GABRB1: variants seen among roughly 807,000 people sequenced by gnomAD.
The protein encoded by GABRB1 is gamma-aminobutyric acid receptor subunit beta-1.
GABRB1 carries 17 observed loss-of-function variants against 51.6 expected under a neutral mutation model. That is an observed-to-expected ratio of 0.33 (90% CI 0.23 to 0.49). The LOEUF (loss-of-function observed/expected upper bound fraction) is 0.49, where lower values mean the gene tolerates loss of function less well. GABRB1 is among the 20% of genes least tolerant of loss of function. The pLI, the probability that GABRB1 is intolerant of heterozygous loss-of-function variation, is 0.99. For missense variants in GABRB1, 410 were observed against 600.6 expected (o/e 0.68, Z 3.32); for synonymous variants, 247 against 218.9 (o/e 1.13, Z -1.14).
At chr4:47,008,667 C>G (rs1173533423) in intron 1 of GABRB1, among the ~76,000 whole-genome samples, 4 of 131,132 alleles carry the variant, frequency 3.1e-5, no homozygotes, top group African/African-American at 1.2e-4. Context: ...TTAGTAGAGA[C>G]GAGGTTTCAC....
chr4:47,193,365 C>T (rs749402268), intron 4 of GABRB1, among the ~76,000 whole-genome samples: 25 of 152,274 alleles, frequency 1.6e-4, no homozygotes, highest in South Asian at 4.1e-4. Flanking sequence ...CAGGTGAATC[C>T]GCCTGCCTGG....
chr4:47,012,048 C>A (rs1459758992), intron 1 of GABRB1, among the ~76,000 whole-genome samples: 2 of 152,036 alleles, frequency 1.3e-5, no homozygotes, highest in Non-Finnish European at 2.9e-5. Context: ...CCTGAGTATC[C>A]ACCACACTGT....
At chr4:47,241,112 A>G (rs1721501700) in intron 4 of GABRB1, among the ~76,000 whole-genome samples, 1 of 152,164 alleles carries the variant, frequency 6.6e-6, no homozygotes, top group African/African-American at 2.4e-5. Context: ...CTGTGTTTTA[A>G]TTCTACAGCA....
chr4:47,046,219 C>A (rs1033385012), intron 3 of GABRB1, among the ~76,000 whole-genome samples: 6 of 151,986 alleles, frequency 3.9e-5, no homozygotes, highest in African/African-American at 1.4e-4. Context: ...TATAAATTAC[C>A]CAATGTCAGA....
chr4:47,313,115 C>T (rs539450414), intron 4 of GABRB1, among the ~76,000 whole-genome samples: 1 of 152,216 alleles, frequency 6.6e-6, no homozygotes, highest in South Asian at 2.1e-4. Context: ...GTGTTCTGAC[C>T]TAACTTTCAA....
At chr4:47,098,737 G>A (rs1335742834) in intron 3 of GABRB1, among the ~76,000 whole-genome samples, 2 of 152,080 alleles carry the variant, frequency 1.3e-5, no homozygotes, top group African/African-American at 4.8e-5. Context: ...AATCTGAAGT[G>A]TTGGTGGGGA....
At chr4:47,009,725 G>C (rs190839208) in intron 1 of GABRB1, among the ~76,000 whole-genome samples, 2 of 152,306 alleles carry the variant, frequency 1.3e-5, no homozygotes, top group East Asian at 3.9e-4. Flanking sequence ...GGTGATTTAA[G>C]TTGGGGGGTT....
intron 4 of GABRB1, among the ~76,000 whole-genome samples, chr4:47,286,454 A>G (rs1723511492): frequency 6.6e-6 from 1 of 152,158 alleles, no homozygotes; most frequent in Non-Finnish European, 1.5e-5. Flanking sequence ...CCATGTTTCC[A>G]TATAAAGCCT....
intron 4 of GABRB1, among the ~76,000 whole-genome samples, chr4:47,314,394 T>C (rs1371336343): frequency 6.6e-6 from 1 of 152,042 alleles, no homozygotes; most frequent in African/African-American, 2.4e-5. Flanking sequence ...AACTACTTTG[T>C]AAAAGCTATT....
At chr4:47,111,356 T>G (rs528727186) in intron 3 of GABRB1, among the ~76,000 whole-genome samples, 1 of 152,100 alleles carries the variant, frequency 6.6e-6, no homozygotes, top group East Asian at 1.9e-4. Flanking sequence ...AATTTGCAAG[T>G]AACACAAGCA....
chr4:47,278,614 G>A (rs1485060504), intron 4 of GABRB1, among the ~76,000 whole-genome samples: 2 of 117,984 alleles, frequency 1.7e-5, no homozygotes, highest in Non-Finnish European at 3.5e-5. Flanking sequence ...CCAAGCCCTA[G>A]GTTTTTGCCT....
intron 4 of GABRB1, among the ~76,000 whole-genome samples, chr4:47,236,744 C>A (rs1349793096): frequency 6.6e-6 from 1 of 152,056 alleles, no homozygotes; most frequent in African/African-American, 2.4e-5. Context: ...CCTGGTGAGC[C>A]CATGCTGGCT....
At chr4:47,375,749 G>T (rs1727353365) in intron 5 of GABRB1, among the ~76,000 whole-genome samples, 1 of 152,176 alleles carries the variant, frequency 6.6e-6, no homozygotes, top group Non-Finnish European at 1.5e-5. Context: ...CACATAACCT[G>T]CCTAATTGCA....
chr4:47,260,968 A>G (rs1001214061), intron 4 of GABRB1, among the ~76,000 whole-genome samples: 11 of 152,224 alleles, frequency 7.2e-5, no homozygotes, highest in African/African-American at 2.7e-4. Context: ...ATCTCAATAG[A>G]GGCAGAACAG....
intron 4 of GABRB1, among the ~76,000 whole-genome samples, chr4:47,166,846 T>C (rs1392440566): frequency 6.6e-6 from 1 of 152,138 alleles, no homozygotes; most frequent in Non-Finnish European, 1.5e-5. Flanking sequence ...TTTTCCCATC[T>C]TACTGTTGCT....
chr4:47,032,587 C>A (rs1725371953), intron 3 of GABRB1, 103 bp downstream of exon 3: 1 of 1,094,142 alleles, frequency 9.1e-7, no homozygotes, highest in Non-Finnish European at 1.4e-6. Flanking sequence ...TCGCCCCTGG[C>A]CCCTGAGGTC....
chr4:47,084,370 C>T (rs549238073), intron 3 of GABRB1, among the ~76,000 whole-genome samples: 8 of 152,180 alleles, frequency 5.3e-5, no homozygotes, highest in Non-Finnish European at 8.8e-5. Flanking sequence ...TGGTTATTGT[C>T]TACCCTCACA....
At chr4:47,387,696 A>G (rs1179836358) in intron 5 of GABRB1, among the ~76,000 whole-genome samples, 1 of 152,198 alleles carries the variant, frequency 6.6e-6, no homozygotes, top group African/African-American at 2.4e-5. Context: ...GAATGTCATG[A>G]CTTGGGCAGG....
chr4:47,241,175 A>G (rs931160551), intron 4 of GABRB1, among the ~76,000 whole-genome samples: 1 of 152,194 alleles, frequency 6.6e-6, no homozygotes, highest in Non-Finnish European at 1.5e-5. Flanking sequence ...AAACCTGAAA[A>G]TCTGTCTACA....
Sources: allele counts gnomAD v4.1 joint callset (sites outside exome capture counted in the v4.1 genomes callset), GRCh38; gene constraint gnomAD v4.1.1; transcripts MANE v1.5; gene names NCBI Gene and HGNC (gene_info 2026-07-23, HGNC 2026-07-21).